GDPD1: variants seen among roughly 807,000 people sequenced by gnomAD.
GDPD1 encodes the protein lysophospholipase D GDPD1.
A neutral mutation model predicts 45.1 loss-of-function variants in GDPD1; 28 were observed. The observed-to-expected ratio is 0.62, with a 90% CI of 0.46 to 0.85. The LOEUF is 0.85. Ranked by LOEUF, GDPD1 falls within the 40% of genes least tolerant of loss-of-function variation. The pLI is 0.00. For synonymous variants in GDPD1, 139 were observed against 131.4 expected (o/e 1.06, Z -0.40); for missense variants, 256 against 364.8 (o/e 0.70, Z 2.43).
At position 59,222,505 on chromosome 17, in the gene GDPD1, CTTTTTTTT is replaced by C. The variant is rs149536097; in HGVS notation, c.142+1773_142+1780del. Among the ~76,000 whole-genome samples the C allele has an allele frequency of 5.2e-3, 216 of 41,744 alleles. 3 individuals carry two copies. The highest frequency in any genetic ancestry group is 0.017 in the African/African-American group (194 of 11,126). 27.4% of individuals were successfully genotyped at this position (41,744 alleles called of 152,430 possible). On this transcript the variant is annotated intron_variant, in intron 1 of 9. Coordinates refer to ENST00000284116, the MANE Select transcript of GDPD1 (RefSeq NM_182569.4). ...ACAGGCGTGAGCCACAGTGCCCAGC[CTTTTTTTT>C]TTTTTTTTTTTTTTTTTTGAGACAG... is the stretch of plus-strand genomic sequence containing the variant.
At position 59,272,672 on chromosome 17, in the gene GDPD1, C is replaced by A. The variant is rs959647017; in HGVS notation, c.771-113C>A. The A allele has an allele frequency of 3.5e-5, 24 of 689,648 alleles. 1 individual carries two copies. Among genetic ancestry groups the A allele is most frequent in the South Asian group, 2.1e-4 (13 of 60,742 alleles). 42.7% of individuals were successfully genotyped at this position (689,648 alleles called of 1,614,324 possible). On this transcript the variant is annotated intron_variant, in intron 8 of 9. Transcript: ENST00000284116. Reference sequence around the variant, plus strand: ...CAGCTATTATTACTTGAGACCATTTCTTTTATTGCTGAAGCATTGGGATTA... The same window carrying A: ...CAGCTATTATTACTTGAGACCATTTATTTTATTGCTGAAGCATTGGGATTA...
chr17:59,270,563 C>T (rs1009714312), intron 7 of GDPD1, among the ~76,000 whole-genome samples: 2 of 152,008 alleles, frequency 1.3e-5, no homozygotes, highest in Non-Finnish European at 2.9e-5. Context: ...TAATACAGTT[C>T]CGTTGTATGT....
Position 59,220,544 on chromosome 17 carries a change from C to G in GDPD1, c.-66C>G, listed in dbSNP as rs2046994515. On this transcript the variant is annotated 5_prime_UTR_variant, in exon 1 of 10. Coordinates refer to ENST00000284116, the MANE Select transcript of GDPD1 (RefSeq NM_182569.4). Reference sequence around the variant, plus strand: ...CTCGAGCAGCCGCCGCCGCCGCCGTCGTTGCTACTGCCGCAGCGGAGTTCA... The same window carrying G: ...CTCGAGCAGCCGCCGCCGCCGCCGTGGTTGCTACTGCCGCAGCGGAGTTCA... The G allele has an allele frequency of 1.3e-6, 2 of 1,550,658 alleles. No individual in the cohort carries two copies. Among genetic ancestry groups the G allele is most frequent in the Non-Finnish European group, 1.8e-6 (2 of 1,141,264 alleles).
intron 6 of GDPD1, among the ~76,000 whole-genome samples, chr17:59,265,189 ATATAT>A (rs1474311018): frequency 6.6e-6 from 1 of 152,024 alleles, no homozygotes; most frequent in African/African-American, 2.4e-5. Context: ...TTTTAAAAAT[ATATAT>A]TATGTTTTTA....
intron 1 of GDPD1, among the ~76,000 whole-genome samples, chr17:59,229,686 A>T (rs533155131): frequency 6.6e-6 from 1 of 152,266 alleles, no homozygotes; most frequent in African/African-American, 2.4e-5. Context: ...AAAGAAAAAT[A>T]TATATATAAC....
intron 7 of GDPD1, among the ~76,000 whole-genome samples, chr17:59,269,486 C>A (rs946829012): frequency 6.1e-4 from 82 of 135,170 alleles, no homozygotes; most frequent in Admixed American, 2.3e-3. Flanking sequence ...CCCCCCCCCC[C>A]AAAAAACACC....
chr17:59,221,078 C>A (rs1467492917), intron 1 of GDPD1, among the ~76,000 whole-genome samples: 1 of 152,010 alleles, frequency 6.6e-6, no homozygotes, highest in Non-Finnish European at 1.5e-5. Context: ...AAGGTCCCTT[C>A]CTAGCAGCAA....
chr17:59,266,350 T>C (rs559862578), intron 6 of GDPD1, among the ~76,000 whole-genome samples: 62 of 145,884 alleles, frequency 4.2e-4, no homozygotes, highest in Non-Finnish European at 7.6e-4. Flanking sequence ...ATTGTGCCAC[T>C]GCACTCCAAC....
intron 3 of GDPD1, among the ~76,000 whole-genome samples, chr17:59,246,498 C>T (rs1416509270): frequency 6.6e-6 from 1 of 151,600 alleles, no homozygotes; most frequent in South Asian, 2.1e-4. Context: ...CACCTGAGGT[C>T]AGGAGTTCGG....
intron 6 of GDPD1, among the ~76,000 whole-genome samples, chr17:59,266,782 G>A (rs1234116261): frequency 6.6e-6 from 1 of 152,128 alleles, no homozygotes; most frequent in South Asian, 2.1e-4. Context: ...CGCAGAAGTG[G>A]TATTGCAAAA....
At chr17:59,230,364 T>C (rs995911643) in intron 1 of GDPD1, among the ~76,000 whole-genome samples, 8 of 148,650 alleles carry the variant, frequency 5.4e-5, no homozygotes, top group Non-Finnish European at 1.2e-4. Flanking sequence ...ACAGGCCAGT[T>C]GTAGAATTTT....
rs752195481 is a variant in GDPD1 at position 59,255,857 on chromosome 17, GTATATA to G, written c.368-1252_368-1247del. On this transcript the variant is annotated intron_variant, in intron 4 of 9. Transcript: ENST00000284116. Reference sequence around the variant, plus strand: ...TATATATATATATATATATACACACGTATATATATATATATATACACACACACACAC... The same window carrying G: ...TATATATATATATATATATACACACGTATATATATATACACACACACACAC... Among the ~76,000 whole-genome samples, 105 of 40,882 alleles carry G rather than the reference GTATATA, an allele frequency of 2.6e-3. 5 individuals are homozygous for G. The highest frequency in any genetic ancestry group is 0.012 in the African/African-American group (80 of 6,856). 26.8% of individuals were successfully genotyped at this position (40,882 alleles called of 152,430 possible).
chr17:59,223,811 C>T (rs190868078), intron 1 of GDPD1, among the ~76,000 whole-genome samples: 9 of 152,154 alleles, frequency 5.9e-5, no homozygotes, highest in Middle Eastern at 3.4e-3. Flanking sequence ...TTCAAGAGGC[C>T]GAGGCAGGAG....
chr17:59,249,872 C>T (rs1225260879), intron 4 of GDPD1, among the ~76,000 whole-genome samples: 1 of 152,114 alleles, frequency 6.6e-6, no homozygotes, highest in East Asian at 1.9e-4. Flanking sequence ...AGAACTATAA[C>T]TGCTCCGTGA....
chr17:59,250,514 C>T (rs1473526507), intron 4 of GDPD1, among the ~76,000 whole-genome samples: 2 of 149,184 alleles, frequency 1.3e-5, no homozygotes, highest in Non-Finnish European at 2.9e-5. Flanking sequence ...ATTTAAGAGA[C>T]TTGAGGTGGG....
rs1180988549 is a variant in GDPD1 at position 59,220,759 on chromosome 17, G to A, written c.142+8G>A. On this transcript the variant is annotated splice_region_variant and intron_variant, in intron 1 of 9. Transcript: ENST00000284116. ...ACATCTCTCACCGCGGAGGTGAGAG[G>A]GGTCCCCAGAACCCGATGACGGAGG... is the stretch of plus-strand genomic sequence containing the variant. 5.0e-6 allele frequency: 8 copies of A among 1,610,496 alleles called. No individual in the cohort carries two copies. Among genetic ancestry groups the A allele is most frequent in the Admixed American group, 3.3e-5 (2 of 59,712 alleles).
intron 2 of GDPD1, among the ~76,000 whole-genome samples, chr17:59,236,891 C>G (rs1212967755): frequency 6.6e-6 from 1 of 152,004 alleles, no homozygotes; most frequent in African/African-American, 2.4e-5. Context: ...TTATATAAAA[C>G]CCCTCTTTTT....
intron 6 of GDPD1, among the ~76,000 whole-genome samples, chr17:59,258,578 C>T (rs963559647): frequency 2.6e-5 from 4 of 152,134 alleles, no homozygotes; most frequent in East Asian, 3.9e-4. Context: ...TATTTCATAG[C>T]CTTCATACAC....
intron 1 of GDPD1, among the ~76,000 whole-genome samples, chr17:59,227,043 T>C (rs1229144241): frequency 6.6e-6 from 1 of 152,146 alleles, no homozygotes; most frequent in Non-Finnish European, 1.5e-5. Flanking sequence ...AGAAATTGAC[T>C]GTTTTTCCAA....
Sources: gnomAD v4.1 joint callset for allele counts (sites outside exome capture counted in the v4.1 genomes callset) on GRCh38, gnomAD v4.1.1 for gene constraint, MANE v1.5 for transcripts, NCBI Gene and HGNC (gene_info 2026-07-23, HGNC 2026-07-21) for gene names.